The following FTCD variants were observed in gnomAD, a reference collection of about 807,000 sequenced individuals.
FTCD encodes the protein formimidoyltransferase-cyclodeaminase.
In FTCD, 76 loss-of-function variants were observed where a neutral mutation model predicts 62.9. The ratio of observed to expected loss-of-function variants is 1.21; its 90% CI spans 1.00 to 1.46. The LOEUF (loss-of-function observed/expected upper bound fraction) is 1.46. FTCD is among the 40% of genes most tolerant of loss of function. FTCD has a pLI of 0.00. For missense variants in FTCD, 845 were observed against 751.3 expected (o/e 1.12, Z -1.46); for synonymous variants, 397 against 336.9 (o/e 1.18, Z -1.95).
chr21:46,151,234 CCT>C (rs1048770581), intron 5 of FTCD, among the ~76,000 whole-genome samples: 8 of 152,156 alleles, frequency 5.3e-5, no homozygotes, highest in African/African-American at 1.9e-4. Context: ...ATGGGGGGCC[CCT>C]GAGGGCACCT....
intron 5 of FTCD, 114 bp from the exon 6 acceptor site, chr21:46,150,639 G>A: frequency 2.8e-6 from 3 of 1,082,066 alleles, no homozygotes; most frequent in Middle Eastern, 2.0e-4. Flanking sequence ...CTGTGCCTGG[G>A]TGGGTGCTGT....
chr21:46,152,813 A>C, intron 3 of FTCD, 94 bp downstream of exon 3: 3 of 1,036,940 alleles, frequency 2.9e-6, no homozygotes, highest in East Asian at 2.7e-5. Flanking sequence ...TTGCAAGAGC[A>C]GTCAAGGGCA....
chr21:46,146,214 G>T lies in FTCD; in HGVS notation c.968+52C>A, dbSNP rs564843158. 3.7e-6 allele frequency: 5 copies of T among 1,334,790 alleles called. No individual in the cohort carries two copies. In the East Asian group the frequency reaches 1.2e-4, roughly 32 times the overall value. 82.7% of individuals were successfully genotyped at this position (1,334,790 alleles called of 1,614,324 possible). On this transcript the variant is annotated intron_variant, in intron 8 of 13. Coordinates refer to ENST00000397746, the MANE Select transcript of FTCD (RefSeq NM_206965.2). ...GGGACCCCAGCGCCCCGCAAGGCCCGAGAGGCAGAGCCCGGGAGGGGTGAG... is the reference window on the plus strand; with the variant it reads ...GGGACCCCAGCGCCCCGCAAGGCCCTAGAGGCAGAGCCCGGGAGGGGTGAG...
In FTCD at chr21:46,153,315, G is replaced by A. The variant is rs371418767; in HGVS notation, c.239-280C>T. On this transcript the variant is annotated intron_variant, in intron 2 of 13. Coordinates refer to ENST00000397746, the MANE Select transcript of FTCD (RefSeq NM_206965.2). ...AGCCCAGGAGCAGCAGCACCTGAGC[G>A]GGTGGTCTGGCATCTCTGGGATAAA... Among the ~76,000 whole-genome samples the A allele has an allele frequency of 4.4e-4, 67 of 152,332 alleles. No homozygotes were observed. In the East Asian group the frequency reaches 6.6e-3, roughly 15 times the overall value.
At chr21:46,151,272 A>G (rs757993906) in intron 5 of FTCD, among the ~76,000 whole-genome samples, 15 of 152,218 alleles carry the variant, frequency 9.9e-5, no homozygotes, top group Non-Finnish European at 1.8e-4. Flanking sequence ...GCTGTTTCCC[A>G]GCAGTATGGA....
intron 9 of FTCD, 66 bp from the exon 10 acceptor site, chr21:46,145,644 G>T: frequency 1.6e-6 from 2 of 1,267,934 alleles, no homozygotes; most frequent in South Asian, 1.4e-5. Context: ...CCCAGGAAGA[G>T]CCAGGGGCCC....
rs1003201501 is a variant in FTCD at position 46,154,085 on chromosome 21, C to G, written c.238+64G>C. 5 of 1,549,872 alleles carry G rather than the reference C, an allele frequency of 3.2e-6. No homozygotes were observed. In the African/African-American group the frequency reaches 5.4e-5, roughly 17 times the overall value. ...GGGCCTACCCCCTCTCCCAGGACAC[C>G]AGGACAGGGCTCGGCCCTGACATTC... On this transcript the variant is annotated intron_variant, in intron 2 of 13. Coordinates refer to ENST00000397746, the MANE Select transcript of FTCD (RefSeq NM_206965.2).
In FTCD at chr21:46,145,388, CG is replaced by C; in HGVS notation, c.1260+28del. On this transcript the variant is annotated intron_variant, in intron 10 of 13. Coordinates refer to ENST00000397746, the MANE Select transcript of FTCD (RefSeq NM_206965.2). ...CTGGGGGTTCGCTGTTGGTGGGGCC[CG>C]GGGAGCCCTGCTGTGGCCGCCACTC... 3.3e-6 allele frequency: 5 copies of C among 1,520,640 alleles called. No homozygotes were observed. The South Asian group carries it at 3.6e-5, about 11-fold the overall frequency. 94.2% of individuals were successfully genotyped at this position (1,520,640 alleles called of 1,614,324 possible). A position where few individuals can be genotyped will look rare whatever the true frequency, so the allele number is the denominator to read the frequency against.
At chr21:46,150,328 C>T (rs1411721598) in intron 6 of FTCD, 60 bp downstream of exon 6, 51 of 1,611,204 alleles carry the variant, frequency 3.2e-5, no homozygotes, top group South Asian at 2.2e-5. Flanking sequence ...GGGCCCCCGC[C>T]CTGCCCACGG....
intron 7 of FTCD, among the ~76,000 whole-genome samples, chr21:46,147,131 A>C (rs2079165742): frequency 6.6e-6 from 1 of 152,242 alleles, no homozygotes; most frequent in African/African-American, 2.4e-5. Flanking sequence ...CCTCTCTGGC[A>C]GCCCCTGATG....
chr21:46,146,300 G>A lies in FTCD; in HGVS notation c.934C>T (p.Leu312=), dbSNP rs1225750458. Residue 312 remains leucine (L), a synonymous_variant, in exon 8 of 14, where the codon CTG becomes TTG. Transcript: ENST00000397746. Reference sequence around the variant, plus strand: ...CGCTCCTTAGGGCTGAAGGGGCACAGGGAGTCCAGGCCCAGCCGGCTCACC... The same window carrying A: ...CGCTCCTTAGGGCTGAAGGGGCACAAGGAGTCCAGGCCCAGCCGGCTCACC... The part of the protein sequence containing the change: ...LVVSRLGLDS[L]CPFSPKERII... The A allele has an allele frequency of 1.2e-6, 2 of 1,605,406 alleles. No individual in the cohort carries two copies. Among genetic ancestry groups the A allele is most frequent in the East Asian group, 2.2e-5 (1 of 44,592 alleles).
chr21:46,146,213 C>T, intron 8 of FTCD, 53 bp downstream of exon 8: 4 of 1,326,466 alleles, frequency 3.0e-6, no homozygotes, highest in Admixed American at 1.8e-5. Flanking sequence ...CCGCAAGGCC[C>T]GAGAGGCAGA....
intron 7 of FTCD, among the ~76,000 whole-genome samples, chr21:46,148,073 C>G (rs1022401680): frequency 6.6e-6 from 1 of 152,164 alleles, no homozygotes; most frequent in African/African-American, 2.4e-5. Context: ...CGTTGGAATG[C>G]TGTCACTGGC....
intron 9 of FTCD, 60 bp downstream of exon 9, chr21:46,145,758 T>TGCGCCCTCCCCTC (rs2079128671): frequency 4.4e-6 from 1 of 226,958 alleles, no homozygotes; most frequent in African/African-American, 7.8e-5. Flanking sequence ...ACAGCGCCCT[T>TGCGCCCTCCCCTC]CCCCCTCCCC....
Position 46,145,422 on chromosome 21 carries a change from A to G in FTCD, c.1255T>C (p.Tyr419His). The part of the protein sequence containing the change: ...VDADAEAFTA[Y>H]LEAMRLPKNT... ...CTGCTGTGGCCGCCACTCACCAGGT[A>G]GGCGGTGAAGGCCTCGGCGTCGGCA... Residue 419 changes from tyrosine to histidine, a missense_variant, in exon 10 of 14, where the codon TAC (tyrosine) becomes CAC (histidine). Tyr to His is a moderately conservative substitution (Grantham distance 83). Transcript: ENST00000397746. 1 of 1,550,222 alleles carries G rather than the reference A, an allele frequency of 6.5e-7. No individual in the cohort carries two copies. Among genetic ancestry groups the G allele is most frequent in the Non-Finnish European group, 8.7e-7 (1 of 1,147,878 alleles).
chr21:46,150,182 C>A lies in FTCD; in HGVS notation c.843G>T (p.Ala281=). ...GLVPLKALLD[A]AAFYCEKENL... is the part of the protein sequence containing the mutation. The stretch of plus-strand genomic sequence containing the variant: ...TCTCCTTCTCGCAGTAGAAGGCGGC[C>A]GCATCCAGCAGAGCCTTCAGGGGCA... Residue 281 remains alanine, a synonymous_variant, in exon 7 of 14, where the codon GCG becomes GCT. Transcript: ENST00000397746. 6.2e-7 allele frequency: 1 copy of A among 1,609,844 alleles called. No homozygotes were observed. The highest frequency in any genetic ancestry group is 8.5e-7 in the Non-Finnish European group (1 of 1,178,738).
chr21:46,155,065 A>G (rs765499675), intron 1 of FTCD, among the ~76,000 whole-genome samples: 27 of 152,204 alleles, frequency 1.8e-4, no homozygotes, highest in Non-Finnish European at 2.9e-4. Context: ...AGCTAACTCC[A>G]GTGGAGATGG....
rs767237425 is a variant in FTCD at position 46,136,926 on chromosome 21, C to T, written c.*61G>A. On this transcript the variant is annotated 3_prime_UTR_variant, in exon 14 of 14. Coordinates refer to ENST00000397746, the MANE Select transcript of FTCD (RefSeq NM_206965.2). ...AGCTGTGTCCCCACCGAGGTCACAG[C>T]TCTGCCCTCTGGGGATGGGCGAGGG... 6.2e-7 allele frequency: 1 copy of T among 1,610,800 alleles called. No homozygotes were observed. The highest frequency in any genetic ancestry group is 2.2e-5 in the East Asian group (1 of 44,788).
Position 46,138,382 on chromosome 21 carries a change from T to G in FTCD, c.1443+126A>C, listed in dbSNP as rs2078917177. 6 of 883,166 alleles carry G rather than the reference T, an allele frequency of 6.8e-6. No individual in the cohort carries two copies. The South Asian group carries it at 9.2e-5, about 14-fold the overall frequency. 54.7% of individuals were successfully genotyped at this position (883,166 alleles called of 1,614,324 possible). On this transcript the variant is annotated intron_variant, in intron 12 of 13. Coordinates refer to ENST00000397746, the MANE Select transcript of FTCD (RefSeq NM_206965.2). Reference sequence around the variant, plus strand: ...TGGAGGAGGCCAAAGCCCCGGGAACTGCCCGTGAAGTGAGGTCTCCCTACC... The same window carrying G: ...TGGAGGAGGCCAAAGCCCCGGGAACGGCCCGTGAAGTGAGGTCTCCCTACC...
Sources: gnomAD v4.1 joint callset for allele counts (sites outside exome capture counted in the v4.1 genomes callset) on GRCh38, gnomAD v4.1.1 for gene constraint, MANE v1.5 for transcripts, NCBI Gene and HGNC (gene_info 2026-07-23, HGNC 2026-07-21) for gene names.